The following SNX13 variants were observed in gnomAD, a reference collection of about 807,000 sequenced individuals.
SNX13 encodes sorting nexin 13.
SNX13 carries 45 observed loss-of-function variants against 133.6 expected under a neutral mutation model. The observed-to-expected ratio is 0.34, with a 90% confidence interval of 0.27 to 0.43. SNX13 has a LOEUF of 0.43. Among genes scored for constraint, SNX13 ranks in the 20% least tolerant of loss-of-function variants. The pLI is 1.00. For synonymous variants in SNX13, 414 were observed against 373.9 expected (o/e 1.11, Z -1.24); for missense variants, 1,032 against 1,145.1 (o/e 0.90, Z 1.43).
intron 5 of SNX13, chr7:17,888,704 ACT>A (rs1430729779): frequency 4.2e-6 from 2 of 470,772 alleles, no homozygotes; most frequent in African/African-American, 4.0e-5. Context: ...TGTTTTATTC[ACT>A]GCTGTATCCC....
chr7:17,901,716 T>A (rs778152773), intron 1 of SNX13, among the ~76,000 whole-genome samples: 1 of 152,222 alleles, frequency 6.6e-6, no homozygotes, highest in African/African-American at 2.4e-5. Context: ...TTCAATATTG[T>A]CCTTCCTACC....
At chr7:17,897,126 T>C (rs1381799427) in intron 2 of SNX13, among the ~76,000 whole-genome samples, 5 of 152,220 alleles carry the variant, frequency 3.3e-5, no homozygotes, top group South Asian at 2.1e-4. Flanking sequence ...GGACATCTTA[T>C]TATTGAAGGA....
At chr7:17,834,466 A>G (rs1788903535) in intron 14 of SNX13, among the ~76,000 whole-genome samples, 1 of 151,914 alleles carries the variant, frequency 6.6e-6, no homozygotes, top group East Asian at 1.9e-4. Context: ...TCATGTTAAA[A>G]TGAATTTGAA....
intron 13 of SNX13, among the ~76,000 whole-genome samples, chr7:17,838,140 A>AT (rs1789372570): frequency 6.6e-6 from 1 of 151,992 alleles, no homozygotes; most frequent in African/African-American, 2.4e-5. Context: ...AGATTTTAGC[A>AT]TTTTTTCTAT....
intron 2 of SNX13, among the ~76,000 whole-genome samples, chr7:17,893,810 T>C (rs571554404): frequency 1.0e-3 from 158 of 151,444 alleles, no homozygotes; most frequent in African/African-American, 3.6e-3. Flanking sequence ...CCGTCTCTAC[T>C]AAAAATACAA....
intron 13 of SNX13, among the ~76,000 whole-genome samples, chr7:17,835,753 T>G (rs547671224): frequency 1.3e-5 from 2 of 151,884 alleles, no homozygotes; most frequent in Non-Finnish European, 2.9e-5. Flanking sequence ...AAAAAAAAAG[T>G]AAACATCAGG....
intron 9 of SNX13, among the ~76,000 whole-genome samples, chr7:17,859,528 C>T (rs1230891203): frequency 6.6e-6 from 1 of 152,072 alleles, no homozygotes; most frequent in Non-Finnish European, 1.5e-5. Context: ...CTTTTTTCTA[C>T]TGTGGTCAAA....
Position 17,875,568 on chromosome 7 carries a change from A to C in SNX13, c.576T>G (p.Asp192Glu), listed in dbSNP as rs1562823720. ...CAACTTCAAAGAAGGTATCTACAAG[A>C]TCTTCTGCTGTACCTAAAGAAAAAC... ...KDDQVKGTAE[D>E]LVDTFFEVEV... The change falls in exon 7 of 26, where the codon GAT (aspartate) becomes GAG (glutamate). Residue 192 changes from aspartate (D) to glutamate (E), a missense_variant. Physicochemically the swap from Asp to Glu is conservative, Grantham distance 45 (BLOSUM62 2). Coordinates refer to ENST00000428135, the MANE Select transcript of SNX13 (RefSeq NM_015132.5). 6.2e-7 allele frequency: 1 copy of C among 1,612,072 alleles called. No homozygotes were observed. The highest frequency in any genetic ancestry group is 1.7e-5 in the Admixed American group (1 of 59,734).
intron 8 of SNX13, among the ~76,000 whole-genome samples, chr7:17,868,959 T>C (rs1793724935): frequency 6.6e-6 from 1 of 152,146 alleles, no homozygotes; most frequent in Non-Finnish European, 1.5e-5. Context: ...AAATGTCTAC[T>C]GTATTATTCT....
chr7:17,861,517 C>G lies in SNX13; in HGVS notation c.837+6890G>C, dbSNP rs184402216. On this transcript the variant is annotated intron_variant, in intron 9 of 25. Transcript: ENST00000428135. Reference sequence around the variant, plus strand: ...GCAATTTCCCAAACAGATAAAAACACTTGAAATTGGTAACTAGCTTCCAAT... The same window carrying G: ...GCAATTTCCCAAACAGATAAAAACAGTTGAAATTGGTAACTAGCTTCCAAT... 3.0e-4 allele frequency among the ~76,000 whole-genome samples: 45 copies of G among 152,202 alleles called. 1 individual carries two copies. Among genetic ancestry groups the G allele is most frequent in the Admixed American group, 2.7e-3 (41 of 15,278 alleles).
intron 18 of SNX13, among the ~76,000 whole-genome samples, chr7:17,817,004 TTA>T (rs1786739840): frequency 1.3e-5 from 2 of 152,300 alleles, no homozygotes; most frequent in South Asian, 4.1e-4. Context: ...CAGATAGTAG[TTA>T]TATAACCCCG....
At chr7:17,858,081 T>C (rs1267050600) in intron 9 of SNX13, among the ~76,000 whole-genome samples, 2 of 152,096 alleles carry the variant, frequency 1.3e-5, no homozygotes, top group African/African-American at 4.8e-5. Flanking sequence ...TCATATTGAG[T>C]GGAGAAAAGC....
chr7:17,919,764 T>C (rs969389904), intron 1 of SNX13, among the ~76,000 whole-genome samples: 20 of 152,180 alleles, frequency 1.3e-4, no homozygotes, highest in African/African-American at 4.6e-4. Context: ...AGTTTTTATC[T>C]TGCACATCTA....
rs965202420 is a variant in SNX13, at chr7:17,940,372, G to C, written c.-77C>G. On this transcript the variant is annotated 5_prime_UTR_variant, in exon 1 of 26. Coordinates refer to ENST00000428135, the MANE Select transcript of SNX13 (RefSeq NM_015132.5). ...GCCGTAGCAGCAGCGAAAACTGCTC[G>C]GGCCGCCGCCAACGGCGGCAACTGC... The C allele has an allele frequency of 2.0e-6, 3 of 1,520,570 alleles. No individual in the cohort carries two copies. In the East Asian group the frequency reaches 7.3e-5, roughly 37 times the overall value. The allele number at this position is 1,520,570 out of a possible 1,614,324, so 94.2% of individuals were successfully genotyped here.
chr7:17,795,847 T>A (rs892530959), intron 25 of SNX13: 4 of 151,826 alleles, frequency 2.6e-5, no homozygotes, highest in Non-Finnish European at 5.9e-5. Flanking sequence ...TAAAATGTCA[T>A]TTCTATAATT....
At chr7:17,810,985 G>T (rs923079594) in intron 20 of SNX13, among the ~76,000 whole-genome samples, 1 of 152,050 alleles carries the variant, frequency 6.6e-6, no homozygotes, top group Admixed American at 6.5e-5. Context: ...AATAAACTAG[G>T]TATCAATGGA....
intron 20 of SNX13, among the ~76,000 whole-genome samples, chr7:17,807,393 AG>A (rs1785432303): frequency 6.6e-6 from 1 of 152,192 alleles, no homozygotes; most frequent in African/African-American, 2.4e-5. Flanking sequence ...ACCACAACTC[AG>A]CAAAGCCACT....
chr7:17,888,486 G>A (rs928008730), intron 5 of SNX13: 2 of 215,580 alleles, frequency 9.3e-6, no homozygotes, highest in Non-Finnish European at 1.9e-5. Flanking sequence ...ATTTAATTGG[G>A]TAGGAGAAAA....
chr7:17,854,974 T>A (rs922766576), intron 9 of SNX13, among the ~76,000 whole-genome samples: 6 of 151,884 alleles, frequency 4.0e-5, no homozygotes, highest in Admixed American at 2.6e-4. Context: ...TTATCCAATA[T>A]GAGAATGCAA....
Sources: allele counts gnomAD v4.1 joint callset (sites outside exome capture counted in the v4.1 genomes callset), GRCh38; gene constraint gnomAD v4.1.1; transcripts MANE v1.5; gene names NCBI Gene and HGNC (gene_info 2026-07-23, HGNC 2026-07-21).